NXNL2: variants seen among roughly 807,000 people sequenced by gnomAD.
NXNL2 encodes nucleoredoxin-like protein 2.
NXNL2 carries 7 observed loss-of-function variants against 11.1 expected under a neutral mutation model. The ratio of observed to expected loss-of-function variants is 0.63; its 90% CI spans 0.36 to 1.18. The LOEUF is 1.18. NXNL2 is among the 50% of genes most tolerant of loss of function. The pLI is 0.02. For missense variants in NXNL2, 233 were observed against 217.7 expected, an observed-to-expected ratio of 1.07 and a Z score of -0.44; for synonymous variants, 109 against 101.8, an observed-to-expected ratio of 1.07 and a Z score of -0.42.
intron 1 of NXNL2, among the ~76,000 whole-genome samples, chr9:88,552,628 G>A (rs952928737): frequency 6.6e-6 from 1 of 151,866 alleles, no homozygotes; most frequent in African/African-American, 2.4e-5. Context: ...CCACCACCAC[G>A]CCCAGCTAAT....
At chr9:88,541,398 C>G (rs1243157445) in intron 1 of NXNL2, among the ~76,000 whole-genome samples, 5 of 151,982 alleles carry the variant, frequency 3.3e-5, no homozygotes, top group African/African-American at 1.2e-4. Context: ...GTAGCTGGGA[C>G]TACAGGTGCG....
chr9:88,580,335 A>G (rs554038409), downstream of NXNL2, among the ~76,000 whole-genome samples: 2 of 151,966 alleles, frequency 1.3e-5, no homozygotes, highest in African/African-American at 4.8e-5. Flanking sequence ...TTGTATTTTT[A>G]GTAGAGATGG....
At chr9:88,551,491 C>T (rs1829931238) in intron 1 of NXNL2, among the ~76,000 whole-genome samples, 2 of 152,088 alleles carry the variant, frequency 1.3e-5, no homozygotes, top group South Asian at 4.1e-4. Context: ...CTCTGTCTCT[C>T]TTCTCTCCCT....
chr9:88,581,492 C>A (rs1830407785), intron 1 of NXNL2, among the ~76,000 whole-genome samples: 1 of 151,714 alleles, frequency 6.6e-6, no homozygotes, highest in African/African-American at 2.4e-5. Flanking sequence ...TGCAGGAGTG[C>A]AATGGCGTGA....
chr9:88,535,832 C>CT (rs1829604562), intron 1 of NXNL2, 96 bp downstream of exon 1: 1 of 837,124 alleles, frequency 1.2e-6, no homozygotes, highest in Non-Finnish European at 1.7e-6. Flanking sequence ...CTTTATGACG[C>CT]CCCCCCCCAA....
At chr9:88,578,407 A>G (rs1221961702), downstream of NXNL2, among the ~76,000 whole-genome samples, 1 of 152,246 alleles carries the variant, frequency 6.6e-6, no homozygotes, top group African/African-American at 2.4e-5. Context: ...GGATACAAGC[A>G]ATGCAGAAAA....
rs1001937148 is a variant in NXNL2 at position 88,562,518 on chromosome 9, C to T, written c.303-8569C>T. Among the ~76,000 whole-genome samples the T allele has an allele frequency of 7.9e-5, 12 of 152,042 alleles. No homozygotes were observed. The South Asian group carries it at 8.3e-4, about 11-fold the overall frequency. ...GGCTCATCCCAGCACTTTGGGAGGC[C>T]GAGGTGGGTGGATCACTTGAGGTCA... On this transcript the variant is annotated intron_variant, in intron 1 of 2. Coordinates refer to the NXNL2 transcript ENST00000375855.
At chr9:88,554,385 A>G (rs1034697744) in intron 1 of NXNL2, among the ~76,000 whole-genome samples, 1 of 152,028 alleles carries the variant, frequency 6.6e-6, no homozygotes, top group African/African-American at 2.4e-5. Flanking sequence ...TTGTCTTTTT[A>G]GTAGAGATGG....
intron 1 of NXNL2, among the ~76,000 whole-genome samples, chr9:88,561,148 G>A (rs1272633349): frequency 6.6e-6 from 1 of 152,138 alleles, no homozygotes; most frequent in Non-Finnish European, 1.5e-5. Context: ...AGTCACCTTA[G>A]TCAGGTGGAC....
At chr9:88,574,252 G>A (rs1830316016) in intron 2 of NXNL2, among the ~76,000 whole-genome samples, 1 of 152,174 alleles carries the variant, frequency 6.6e-6, no homozygotes, top group Non-Finnish European at 1.5e-5. Context: ...ATACACAAAT[G>A]TGGTACCATA....
Position 88,564,485 on chromosome 9 carries a change from C to T in NXNL2, c.303-6602C>T, listed in dbSNP as rs565709933. Among the ~76,000 whole-genome samples, 28 of 152,180 alleles carry T rather than the reference C, an allele frequency of 1.8e-4. No individual in the cohort carries two copies. The East Asian group carries it at 4.7e-3, about 25-fold the overall frequency. Reference sequence around the variant, plus strand: ...AGGCTGGAGTGCAGTGGCACCATCTCAGCTCACTGCAACCTCCGCCTCCAG... The same window carrying T: ...AGGCTGGAGTGCAGTGGCACCATCTTAGCTCACTGCAACCTCCGCCTCCAG... On this transcript the variant is annotated intron_variant, in intron 1 of 2. Transcript: ENST00000375855.
intron 1 of NXNL2, among the ~76,000 whole-genome samples, chr9:88,554,602 C>A (rs1829986820): frequency 6.6e-6 from 1 of 152,176 alleles, no homozygotes; most frequent in African/African-American, 2.4e-5. Flanking sequence ...TAATAACCAT[C>A]TGCTGGAGTT....
chr9:88,577,843 C>T (rs1830365395), downstream of NXNL2, among the ~76,000 whole-genome samples: 2 of 152,158 alleles, frequency 1.3e-5, no homozygotes, highest in South Asian at 4.2e-4. Context: ...ATGATCCTGT[C>T]CATAACAAGA....
rs187019594 is a variant in NXNL2, at chr9:88,560,270, C to T, written c.303-10817C>T. On this transcript the variant is annotated intron_variant, in intron 1 of 2. Coordinates refer to the NXNL2 transcript ENST00000375855. ...GTTCTCCCCTGAGATCCTGTCATTG[C>T]CCACTCAGCCCTTCTGCTTGTTGGA... 3.3e-5 allele frequency among the ~76,000 whole-genome samples: 5 copies of T among 151,844 alleles called. No homozygotes were observed. The East Asian group carries it at 9.8e-4, about 30-fold the overall frequency.
chr9:88,565,262 G>A (rs1402461807), intron 1 of NXNL2, among the ~76,000 whole-genome samples: 1 of 152,256 alleles, frequency 6.6e-6, no homozygotes, highest in South Asian at 2.1e-4. Context: ...TTCATCTGTC[G>A]ATGGACATGA....
intron 1 of NXNL2, among the ~76,000 whole-genome samples, chr9:88,564,300 TCTATC>T (rs1564074728): frequency 7.0e-6 from 1 of 143,398 alleles, no homozygotes; most frequent in African/African-American, 3.0e-5. Flanking sequence ...TATCTATCTA[TCTATC>T]TATCTATCTA....
intron 2 of NXNL2, among the ~76,000 whole-genome samples, chr9:88,572,322 G>C (rs1249778367): frequency 6.6e-6 from 1 of 151,984 alleles, no homozygotes; most frequent in African/African-American, 2.4e-5. Flanking sequence ...TCCTAGGTGG[G>C]GACAGCTCCT....
At chr9:88,563,543 C>A (rs893232538) in intron 1 of NXNL2, among the ~76,000 whole-genome samples, 1 of 152,186 alleles carries the variant, frequency 6.6e-6, no homozygotes, top group African/African-American at 2.4e-5. Context: ...GCTGGATTCC[C>A]AGTACTCACT....
chr9:88,572,804 C>T (rs913238125), intron 2 of NXNL2, among the ~76,000 whole-genome samples: 4 of 152,194 alleles, frequency 2.6e-5, no homozygotes, highest in African/African-American at 9.6e-5. Context: ...GTTCTTTAAT[C>T]CTCCTGGTGA....
Sources: gnomAD v4.1 joint callset for allele counts (sites outside exome capture counted in the v4.1 genomes callset) on GRCh38, gnomAD v4.1.1 for gene constraint, MANE v1.5 for transcripts, NCBI Gene and HGNC (gene_info 2026-07-23, HGNC 2026-07-21) for gene names.